The following WNK3 variants were observed in gnomAD, a reference collection of about 807,000 sequenced individuals.
WNK3 encodes the protein serine/threonine-protein kinase WNK3.
A neutral mutation model predicts 116.7 loss-of-function variants in WNK3; 18 were observed. The observed-to-expected ratio is 0.15, with a 90% CI of 0.11 to 0.23. WNK3 has a LOEUF of 0.23. WNK3 is among the 10% of genes least tolerant of loss of function. The pLI is 1.00. For synonymous variants in WNK3, 404 were observed against 469.4 expected, an observed-to-expected ratio of 0.86 and a Z score of 1.80; for missense variants, 993 against 1,323.8, an observed-to-expected ratio of 0.75 and a Z score of 3.88.
chrX:54,214,552 A>G (rs1217012851), intron 22 of WNK3, among the ~76,000 whole-genome samples: 2 of 111,729 alleles, frequency 1.8e-5, no homozygotes, highest in East Asian at 5.6e-4. Context: ...GAATAAAACT[A>G]AAAACCTCTA....
chrX:54,217,383 C>T (rs1394036928), intron 22 of WNK3, among the ~76,000 whole-genome samples: 1 of 29,286 alleles, frequency 3.4e-5, no homozygotes, highest in Admixed American at 4.9e-4. Context: ...AATCCCAGCA[C>T]TTTGGGGCGG....
chrX:54,260,351 C>CA (rs2068242644), intron 10 of WNK3, among the ~76,000 whole-genome samples: 1 of 111,898 alleles, frequency 8.9e-6, no homozygotes, highest in Admixed American at 9.5e-5. Flanking sequence ...TAAGATTCAA[C>CA]AAAATGTATC....
In WNK3 at chrX:54,277,040, C is replaced by T. The variant is rs2068457450; in HGVS notation, c.2037+15848G>A. On this transcript the variant is annotated intron_variant, in intron 10 of 23. Transcript: ENST00000354646. ...CCAACATTAATTCATAATAAAACTTCTCAGTGAGTCAGGTAATAGAGGGTA... is the reference window on the plus strand; with the variant it reads ...CCAACATTAATTCATAATAAAACTTTTCAGTGAGTCAGGTAATAGAGGGTA... Among the ~76,000 whole-genome samples the T allele has an allele frequency of 2.7e-5, 3 of 111,546 alleles. No homozygotes were observed. In the Admixed American group the frequency reaches 2.9e-4, roughly 11 times the overall value.
Position 54,232,133 on chromosome X carries a change from ATATG to A in WNK3, c.4840+672_4840+675del, listed in dbSNP as rs1213146439. Among the ~76,000 whole-genome samples, 11 of 103,266 alleles carry A rather than the reference ATATG, an allele frequency of 1.1e-4. 1 individual carries two copies. The highest frequency in any genetic ancestry group is 8.5e-4 in the Admixed American group (8 of 9,370). The allele number at this position is 103,266 out of a possible 115,157, so 89.7% of individuals were successfully genotyped here. A position where few individuals can be genotyped will look rare whatever the true frequency, so the allele number is the denominator to read the frequency against. ...TGTGTGTATATATATATATATATAT[ATATG>A]TATGTATGTATGTATGTATTTTAGA... On this transcript the variant is annotated intron_variant, in intron 21 of 23. Coordinates refer to ENST00000354646, the Ensembl canonical transcript of WNK3.
At chrX:54,302,765 T>TTA (rs2068779717) in intron 5 of WNK3, among the ~76,000 whole-genome samples, 1 of 73,290 alleles carries the variant, frequency 1.4e-5, no homozygotes, top group Non-Finnish European at 2.6e-5. Flanking sequence ...ATATTTTTTT[T>TTA]TTTTTTTTTA....
At chrX:54,328,101 TAAGAC>T (rs2069127073) in intron 2 of WNK3, among the ~76,000 whole-genome samples, 1 of 110,464 alleles carries the variant, frequency 9.1e-6, no homozygotes, top group African/African-American at 3.3e-5. Flanking sequence ...ATCAAATTGA[TAAGAC>T]AAAAGTATGG....
exon 17 of WNK3, chrX:54,249,540 T>C (rs1184367419): frequency 1.7e-6 from 2 of 1,209,843 alleles, no homozygotes; most frequent in African/African-American, 3.5e-5. Flanking sequence ...CCTTGTGTTC[T>C]GATTTGGAGG....
intron 22 of WNK3, among the ~76,000 whole-genome samples, chrX:54,208,485 C>T (rs2067578915): frequency 9.0e-6 from 1 of 111,105 alleles, no homozygotes; most frequent in African/African-American, 3.3e-5. Flanking sequence ...AGCAATCCTC[C>T]CACCTCAGCC....
chrX:54,277,314 T>A lies in WNK3; in HGVS notation c.2037+15574A>T, dbSNP rs1287065364. 6.3e-5 allele frequency among the ~76,000 whole-genome samples: 7 copies of A among 110,840 alleles called. No individual in the cohort carries two copies. The Admixed American group carries it at 6.7e-4, about 11-fold the overall frequency. On this transcript the variant is annotated intron_variant, in intron 10 of 23. Transcript: ENST00000354646. ...AAAGGGAGAGATCACACTGTCTCTA[T>A]TTTAGGAGATTATATGATTTTCTTT...
intron 1 of WNK3, among the ~76,000 whole-genome samples, chrX:54,342,090 G>T: frequency 9.1e-6 from 1 of 110,065 alleles, no homozygotes; most frequent in Admixed American, 9.9e-5. Context: ...GGGAGACCCT[G>T]TCTCTACAAA....
chrX:54,259,162 C>G, intron 11 of WNK3, 112 bp downstream of exon 11: 1 of 308,720 alleles, frequency 3.2e-6, no homozygotes, highest in East Asian at 5.6e-5. Flanking sequence ...AACATCCACA[C>G]AAGTACAAGA....
chrX:54,343,696 C>CT lies in WNK3; in HGVS notation c.-119-9905dup, dbSNP rs2069363548. The CT allele has an allele frequency of 2.7e-5, 3 of 110,480 alleles. No homozygotes were observed. In the South Asian group the frequency reaches 1.2e-3, roughly 44 times the overall value. 9.1% of individuals were successfully genotyped at this position (110,480 alleles called of 1,213,427 possible). A position where few individuals can be genotyped will look rare whatever the true frequency, so the allele number is the denominator to read the frequency against. ...TTTTTTTTTGAGACAGGGTCTCACT[C>CT]TGTCGCCCAGGCTTAATTGCAGTGG... On this transcript the variant is annotated intron_variant, in intron 1 of 23. Transcript: ENST00000354646.
At chrX:54,283,462 G>C (rs2068541145) in intron 10 of WNK3, among the ~76,000 whole-genome samples, 1 of 110,337 alleles carries the variant, frequency 9.1e-6, no homozygotes, top group Non-Finnish European at 1.9e-5. Flanking sequence ...CACCCACTAG[G>C]ATGTCTACAA....
chrX:54,226,383 T>C (rs1196944121), intron 22 of WNK3, among the ~76,000 whole-genome samples: 1 of 102,267 alleles, frequency 9.8e-6, no homozygotes, highest in African/African-American at 3.6e-5. Context: ...GGCAGGAGAA[T>C]CGCTTGAACC....
chrX:54,215,331 C>T (rs2067675337), intron 22 of WNK3, among the ~76,000 whole-genome samples: 1 of 111,183 alleles, frequency 9.0e-6, no homozygotes, highest in South Asian at 3.8e-4. Context: ...CCTGGGATTG[C>T]AGGCGCGCGC....
At position 54,224,317 on chromosome X, in the gene WNK3, A is replaced by T. The variant is rs782463415; in HGVS notation, c.4870+4397T>A. ...CAGTGAGCTGATATCACGTCATTGC[A>T]CTCCAGCCTGGGCAACAAGAGCGAA... On this transcript the variant is annotated intron_variant, in intron 22 of 23. Transcript: ENST00000354646. Among the ~76,000 whole-genome samples the T allele has an allele frequency of 5.8e-4, 61 of 104,908 alleles. 1 individual carries two copies. The highest frequency in any genetic ancestry group is 6.8e-4 in the Non-Finnish European group (35 of 51,185). 91.1% of individuals were successfully genotyped at this position (104,908 alleles called of 115,157 possible).
chrX:54,315,157 C>A (rs1021468336), intron 2 of WNK3, among the ~76,000 whole-genome samples: 2 of 108,952 alleles, frequency 1.8e-5, no homozygotes, highest in African/African-American at 6.7e-5. Context: ...ATCAGCTGAG[C>A]ATGGAGGCAC....
At chrX:54,251,239 T>C (rs1286961128) in intron 15 of WNK3, among the ~76,000 whole-genome samples, 160 bp downstream of exon 15, 1 of 111,771 alleles carries the variant, frequency 8.9e-6, no homozygotes, top group Non-Finnish European at 1.9e-5. Flanking sequence ...AGTCAGGGGA[T>C]GGATTATTAC....
intron 10 of WNK3, among the ~76,000 whole-genome samples, chrX:54,271,583 T>C (rs964677921): frequency 1.1e-4 from 12 of 112,542 alleles, no homozygotes; most frequent in Admixed American, 8.5e-4. Flanking sequence ...ATTGTTAGAA[T>C]TGTAGTTTCA....
Sources: gnomAD v4.1 joint callset for allele counts (sites outside exome capture counted in the v4.1 genomes callset) on GRCh38, gnomAD v4.1.1 for gene constraint, MANE v1.5 for transcripts, NCBI Gene and HGNC (gene_info 2026-07-23, HGNC 2026-07-21) for gene names.